IGSF21: variants seen among roughly 807,000 people sequenced by gnomAD.
IGSF21 encodes the protein immunoglobulin superfamily member 21.
In IGSF21, 28 loss-of-function variants were observed where a neutral mutation model predicts 46.8. That is an observed-to-expected ratio of 0.60 (90% CI 0.44 to 0.82). The LOEUF (loss-of-function observed/expected upper bound fraction) is 0.82, where lower values mean the gene tolerates loss of function less well. IGSF21 is among the 40% of genes least tolerant of loss of function. The pLI, the probability that IGSF21 is intolerant of heterozygous loss-of-function variation, is 0.00. For missense variants in IGSF21, 624 were observed against 665.5 expected, an observed-to-expected ratio of 0.94 and a Z score of 0.69; for synonymous variants, 284 against 273.6, an observed-to-expected ratio of 1.04 and a Z score of -0.38.
chr1:18,209,279 T>C (rs973679684), intron 1 of IGSF21, among the ~76,000 whole-genome samples: 10 of 152,188 alleles, frequency 6.6e-5, no homozygotes, highest in South Asian at 2.1e-4. Context: ...TCCTGCTTAA[T>C]AGATAAAAAG....
chr1:18,188,268 G>A (rs1328019776), intron 1 of IGSF21, among the ~76,000 whole-genome samples: 1 of 152,170 alleles, frequency 6.6e-6, no homozygotes, highest in Non-Finnish European at 1.5e-5. Context: ...TAGATCCCCT[G>A]CTGTGAAGTA....
intron 2 of IGSF21, among the ~76,000 whole-genome samples, chr1:18,237,664 T>C (rs1296242046): frequency 6.6e-6 from 1 of 152,218 alleles, no homozygotes; most frequent in Admixed American, 6.5e-5. Context: ...TCTCAGCGTT[T>C]TGTACATTCT....
chr1:18,264,369 G>C (rs1321190933), intron 2 of IGSF21, among the ~76,000 whole-genome samples: 1 of 152,162 alleles, frequency 6.6e-6, no homozygotes, highest in African/African-American at 2.4e-5. Flanking sequence ...TCCTGGCATA[G>C]AGTAAGTGCC....
chr1:18,164,157 T>C (rs112990459), intron 1 of IGSF21, among the ~76,000 whole-genome samples: 2,374 of 152,290 alleles, frequency 0.016, 59 homozygotes, highest in African/African-American at 0.053. Context: ...CTTGTACAGA[T>C]GAGGAAACTG....
intron 1 of IGSF21, among the ~76,000 whole-genome samples, chr1:18,180,399 C>CTTCA (rs147191057): frequency 0.011 from 1,673 of 152,286 alleles, 46 homozygotes; most frequent in African/African-American, 0.038. Context: ...AGCCCTCAGC[C>CTTCA]TTCAGTGAGG....
At chr1:18,221,747 C>G (rs1320212143) in intron 1 of IGSF21, among the ~76,000 whole-genome samples, 1 of 152,112 alleles carries the variant, frequency 6.6e-6, no homozygotes. Context: ...GCTCACACAT[C>G]GAGGCTGATT....
chr1:18,223,186 C>T (rs369354527), intron 1 of IGSF21, among the ~76,000 whole-genome samples: 1 of 152,218 alleles, frequency 6.6e-6, no homozygotes, highest in Non-Finnish European at 1.5e-5. Flanking sequence ...GTGAGCCTGG[C>T]CCCAACCCCA....
chr1:18,307,992 A>T (rs1024466604), intron 3 of IGSF21, among the ~76,000 whole-genome samples: 28 of 152,164 alleles, frequency 1.8e-4, no homozygotes, highest in African/African-American at 6.5e-4. Context: ...AGAAAAGGTC[A>T]TCGCATCATA....
At chr1:18,278,857 A>G (rs1341591868) in intron 2 of IGSF21, 2 of 471,464 alleles carry the variant, frequency 4.2e-6, no homozygotes, top group African/African-American at 2.0e-5. Context: ...CACCCAGCCC[A>G]TGTTCACATT....
At chr1:18,275,031 AAAAC>A (rs978241878) in intron 2 of IGSF21, among the ~76,000 whole-genome samples, 163 of 139,648 alleles carry the variant, frequency 1.2e-3, no homozygotes, top group African/African-American at 4.3e-3. Flanking sequence ...TGAAAAAACA[AAAAC>A]AAACAAACAA....
At chr1:18,227,144 T>C (rs1416019771) in intron 1 of IGSF21, among the ~76,000 whole-genome samples, 1 of 152,140 alleles carries the variant, frequency 6.6e-6, no homozygotes, top group African/African-American at 2.4e-5. Flanking sequence ...ATAATGGACT[T>C]CTCTAACATA....
chr1:18,237,032 A>G (rs767171638), intron 2 of IGSF21, among the ~76,000 whole-genome samples: 1 of 152,222 alleles, frequency 6.6e-6, no homozygotes, highest in Non-Finnish European at 1.5e-5. Flanking sequence ...TGCAAGTAAC[A>G]TGAAGACCCA....
Position 18,261,863 on chromosome 1 carries a change from G to T in IGSF21, c.184-30003G>T, listed in dbSNP as rs115948150. 5.9e-5 allele frequency among the ~76,000 whole-genome samples: 9 copies of T among 152,346 alleles called. 1 individual carries two copies. In the South Asian group the frequency reaches 1.9e-3, roughly 32 times the overall value. On this transcript the variant is annotated intron_variant, in intron 2 of 9. Transcript: ENST00000251296. ...ACAAATCATGTATTTTGGAGGTGAC[G>T]TCGGGAAGTATTGTCAGGGGAGTGT...
chr1:18,201,136 C>G (rs1057014173), intron 1 of IGSF21, among the ~76,000 whole-genome samples: 8 of 152,230 alleles, frequency 5.3e-5, no homozygotes, highest in Admixed American at 4.6e-4. Context: ...GAGGAAGGAG[C>G]TTGAGCTGGG....
intron 2 of IGSF21, among the ~76,000 whole-genome samples, chr1:18,233,872 C>T (rs2084650041): frequency 6.6e-6 from 1 of 152,170 alleles, no homozygotes; most frequent in Non-Finnish European, 1.5e-5. Flanking sequence ...TTTTAGCTCT[C>T]CCTGAAACAG....
intron 2 of IGSF21, among the ~76,000 whole-genome samples, chr1:18,270,983 A>G (rs2085037054): frequency 6.6e-6 from 1 of 152,292 alleles, no homozygotes; most frequent in African/African-American, 2.4e-5. Flanking sequence ...TTAGTGGGCC[A>G]CTGAGGCATG....
At chr1:18,171,135 C>T (rs978225317) in intron 1 of IGSF21, among the ~76,000 whole-genome samples, 2 of 151,976 alleles carry the variant, frequency 1.3e-5, no homozygotes, top group African/African-American at 4.8e-5. Flanking sequence ...ATGCTGGCCT[C>T]ACTCTCATGC....
chr1:18,314,412 G>A (rs560625860), intron 3 of IGSF21, among the ~76,000 whole-genome samples: 5 of 152,204 alleles, frequency 3.3e-5, no homozygotes, highest in East Asian at 1.9e-4. Context: ...TGAGGTTAGC[G>A]GAGGTCGCCC....
intron 1 of IGSF21, among the ~76,000 whole-genome samples, chr1:18,218,744 G>A (rs1266821970): frequency 1.3e-5 from 2 of 152,166 alleles, no homozygotes; most frequent in Admixed American, 6.5e-5. Context: ...AAGAAAATCA[G>A]TAGACTACAA....
Sources: allele counts gnomAD v4.1 joint callset (sites outside exome capture counted in the v4.1 genomes callset), GRCh38; gene constraint gnomAD v4.1.1; transcripts MANE v1.5; gene names NCBI Gene and HGNC (gene_info 2026-07-23, HGNC 2026-07-21).